The following TNC variants were observed in gnomAD, a reference collection of about 807,000 sequenced individuals.
The protein encoded by TNC is tenascin C, also known as tenascin.
In TNC, 109 loss-of-function variants were observed where a neutral mutation model predicts 202.4. The observed-to-expected ratio is 0.54, with a 90% confidence interval of 0.46 to 0.63. TNC has a LOEUF of 0.63. TNC is among the 30% of genes least tolerant of loss of function. The probability of loss-of-function intolerance (pLI) is 0.00; values close to 1 mark genes in which losing one functional copy is unlikely to be tolerated. For missense variants in TNC, 2,756 were observed against 2,833.3 expected (o/e 0.97, Z 0.62); for synonymous variants, 1,007 against 1,089.7 (o/e 0.92, Z 1.50).
chr9:115,113,859 G>A (rs1766912430), intron 1 of TNC, among the ~76,000 whole-genome samples: 2 of 152,346 alleles, frequency 1.3e-5, no homozygotes, highest in South Asian at 2.1e-4. Flanking sequence ...AAGGGCCAAA[G>A]AGAGTAATGA....
chr9:115,110,413 G>A (rs779690955), intron 1 of TNC, among the ~76,000 whole-genome samples: 4 of 151,988 alleles, frequency 2.6e-5, no homozygotes, highest in Non-Finnish European at 5.9e-5. Flanking sequence ...GAAGGGGAAG[G>A]CTGGGTTGCT....
At chr9:115,039,293 T>C (rs1194194007) in intron 19 of TNC, among the ~76,000 whole-genome samples, 1 of 152,204 alleles carries the variant, frequency 6.6e-6, no homozygotes, top group Non-Finnish European at 1.5e-5. Context: ...CTTCACTTTC[T>C]TCAGCTGCCA....
intron 4 of TNC, 21 bp downstream of exon 4, chr9:115,084,188 A>G (rs988651157): frequency 2.5e-6 from 4 of 1,609,584 alleles, no homozygotes; most frequent in Admixed American, 1.7e-5. Context: ...GAGGCTGCCC[A>G]AAAGAGTTCT....
chr9:115,029,092 C>CT (rs954033079), intron 25 of TNC, among the ~76,000 whole-genome samples: 1 of 134,430 alleles, frequency 7.4e-6, no homozygotes, highest in Non-Finnish European at 1.6e-5. Flanking sequence ...GCTTTGTGTT[C>CT]TTTTTTTCTG....
chr9:115,084,232 GGAAT>G lies in TNC; in HGVS notation c.2104_2107del (p.Ile702LeufsTer16). 1 of 1,614,156 alleles carries G rather than the reference GGAAT, an allele frequency of 6.2e-7. No homozygotes were observed. The highest frequency in any genetic ancestry group is 8.5e-7 in the Non-Finnish European group (1 of 1,180,018). The stretch of plus-strand genomic sequence containing the variant: ...ACACGTGGCCACCCTGGCGCTGACA[GGAAT>G]GCTCTTCTTGTTCTCCAGGATGGCA... On this transcript the variant is annotated frameshift_variant, in exon 4 of 28. Coordinates refer to ENST00000350763, the MANE Select transcript of TNC (RefSeq NM_002160.4). LOFTEE classifies it high-confidence loss of function.
At chr9:115,079,516 C>A (rs1834137638) in intron 6 of TNC, among the ~76,000 whole-genome samples, 1 of 152,146 alleles carries the variant, frequency 6.6e-6, no homozygotes, top group Non-Finnish European at 1.5e-5. Flanking sequence ...CCTTAGTACC[C>A]CTTGCATTAA....
At chr9:115,098,936 G>GTTT (rs1227896909) in intron 1 of TNC, among the ~76,000 whole-genome samples, 1 of 40,940 alleles carries the variant, frequency 2.4e-5, no homozygotes, top group African/African-American at 8.5e-5. Flanking sequence ...CCTTAAGTGT[G>GTTT]TATTTTTTTT....
chr9:115,025,764 T>C (rs1482979409), intron 26 of TNC, among the ~76,000 whole-genome samples: 1 of 152,236 alleles, frequency 6.6e-6, no homozygotes, highest in East Asian at 1.9e-4. Flanking sequence ...AAGAGGATGG[T>C]ACCTAGTAGG....
intron 17 of TNC, among the ~76,000 whole-genome samples, chr9:115,043,982 G>A (rs1309324312): frequency 1.3e-5 from 2 of 152,196 alleles, no homozygotes; most frequent in Non-Finnish European, 2.9e-5. Context: ...TGACCTTTGA[G>A]TTAAATTCTA....
intron 1 of TNC, among the ~76,000 whole-genome samples, chr9:115,098,589 T>C (rs1029639360): frequency 3.3e-5 from 5 of 152,258 alleles, no homozygotes; most frequent in African/African-American, 1.2e-4. Flanking sequence ...TAGTTACTTA[T>C]GATTTCATTT....
chr9:115,061,655 T>G (rs1224892082), intron 13 of TNC, among the ~76,000 whole-genome samples: 1 of 152,220 alleles, frequency 6.6e-6, no homozygotes, highest in African/African-American at 2.4e-5. Context: ...ACAATTGTTT[T>G]GAATTGAGTG....
rs1194499138 is a variant in TNC at position 115,064,700 on chromosome 9, T to C, written c.3434A>G (p.Tyr1145Cys). 1 of 1,614,150 alleles carries C rather than the reference T, an allele frequency of 6.2e-7. No individual in the cohort carries two copies. ...TGTTCTATAGCCCTGGATCACCCCA[T>C]AGATGGAGACTGTATAAGGCGTAGC... ...KAATPYTVSI[Y>C]GVIQGYRTPV... Residue 1145 changes from tyrosine (Y) to cysteine (C), a missense_variant, in exon 11 of 28, where the codon TAT becomes TGT. By Grantham distance (194) the Tyr-to-Cys change is radical (BLOSUM62 -2). Coordinates refer to ENST00000350763, the MANE Select transcript of TNC (RefSeq NM_002160.4).
intron 22 of TNC, among the ~76,000 whole-genome samples, chr9:115,032,230 T>G (rs190571379): frequency 1.3e-5 from 2 of 152,292 alleles, no homozygotes; most frequent in Admixed American, 1.3e-4. Context: ...TCAACCATAC[T>G]TAGCTTCAGG....
intron 9 of TNC, among the ~76,000 whole-genome samples, chr9:115,074,580 A>G (rs772150767): frequency 1.3e-5 from 2 of 152,250 alleles, no homozygotes; most frequent in Non-Finnish European, 2.9e-5. Flanking sequence ...TAATATGTGT[A>G]GGATCCCATT....
At chr9:115,077,099 A>G (rs1833920258) in intron 7 of TNC, among the ~76,000 whole-genome samples, 1 of 147,102 alleles carries the variant, frequency 6.8e-6, no homozygotes, top group South Asian at 2.2e-4. Context: ...CTCGCTCTTC[A>G]CCCAGGTTGG....
chr9:115,080,627 G>A (rs1834232329), intron 6 of TNC, among the ~76,000 whole-genome samples: 1 of 151,756 alleles, frequency 6.6e-6, no homozygotes, highest in South Asian at 2.1e-4. Context: ...TTAAAAAATT[G>A]CAGCTGTGCA....
intron 19 of TNC, among the ~76,000 whole-genome samples, chr9:115,039,918 G>C (rs1159902652): frequency 6.6e-6 from 1 of 152,198 alleles, no homozygotes; most frequent in Non-Finnish European, 1.5e-5. Flanking sequence ...GGTTCAGATG[G>C]GATATTTTAA....
chr9:115,087,219 C>T lies in TNC; in HGVS notation c.512G>A (p.Gly171Glu). The T allele has an allele frequency of 6.2e-7, 1 of 1,614,240 alleles. No individual in the cohort carries two copies. The highest frequency in any genetic ancestry group is 8.5e-7 in the Non-Finnish European group (1 of 1,180,050). Residue 171 changes from glycine to glutamate, a missense_variant, in exon 3 of 28, where the codon GGA becomes GAA. Gly to Glu is a moderately conservative substitution (Grantham distance 98). This residue lies in a region of TNC where 2,559 missense variants were observed against 2,546.0 expected (regional missense o/e 1.01). Transcript: ENST00000350763. ...CSGRGNFSTE[G>E]CGCVCEPGWK... ...GCCAGGTTCGCAGACACAGCCACAT[C>T]CTTCAGTGCTGAAGTTGCCCCGACC...
chr9:115,112,921 C>T (rs1323616788), intron 1 of TNC, among the ~76,000 whole-genome samples: 2 of 152,176 alleles, frequency 1.3e-5, no homozygotes, highest in Admixed American at 6.5e-5. Context: ...GCACTCATGG[C>T]TTCCCTTGGG....
Sources: gnomAD v4.1 joint callset for allele counts (sites outside exome capture counted in the v4.1 genomes callset) on GRCh38, gnomAD v4.1.1 for gene constraint, gnomAD v4.1.1 regional missense constraint, MANE v1.5 for transcripts, NCBI Gene and HGNC (gene_info 2026-07-23, HGNC 2026-07-21) for gene names.